Variants in ZNF469 observed in about 807,000 individuals in gnomAD.
ZNF469 encodes the protein zinc finger protein 469.
In ZNF469, 1 loss-of-function variant was observed where a neutral mutation model predicts 1.0. The observed-to-expected ratio is 1.00, with a 90% CI of 0.35 to 4.73. ZNF469 has a LOEUF of 4.73. ZNF469 is among the 30% of genes most tolerant of loss of function. ZNF469 has a pLI of 0.16. For missense variants in ZNF469, 6,100 were observed against 5,356.3 expected, an observed-to-expected ratio of 1.14 and a Z score of -4.33; for synonymous variants, 2,703 against 2,363.4, an observed-to-expected ratio of 1.14 and a Z score of -4.17.
At chr16:88,227,274 A>G in the ZNF469 span, among the ~76,000 whole-genome samples, 1 of 152,118 alleles carries the variant, frequency 6.6e-6, no homozygotes, top group Non-Finnish European at 1.5e-5. Flanking sequence ...AGGGCCGGGA[A>G]CAGTGTCTAG....
At chr16:88,418,594 C>A (rs914214521) in intron 1 of ZNF469, among the ~76,000 whole-genome samples, 5 of 151,892 alleles carry the variant, frequency 3.3e-5, no homozygotes, top group Middle Eastern at 3.4e-3. Flanking sequence ...ATTTTCTTTC[C>A]CCATGTGCCC....
chr16:88,284,926 G>T, the ZNF469 span, among the ~76,000 whole-genome samples: 1 of 152,254 alleles, frequency 6.6e-6, no homozygotes, highest in African/African-American at 2.4e-5. Flanking sequence ...CATGCAGGAA[G>T]AATTTTGTTT....
chr16:88,346,806 G>A, the ZNF469 span, among the ~76,000 whole-genome samples: 2 of 152,222 alleles, frequency 1.3e-5, no homozygotes, highest in South Asian at 2.1e-4. Context: ...CTCAGGCAGC[G>A]AGCTGGCCCT....
At chr16:88,230,883 G>A in the ZNF469 span, among the ~76,000 whole-genome samples, 14 of 151,882 alleles carry the variant, frequency 9.2e-5, no homozygotes, top group African/African-American at 2.9e-4. Context: ...CAGAGGCCCG[G>A]GCTCTCACAG....
At chr16:88,328,719 A>G in the ZNF469 span, among the ~76,000 whole-genome samples, 1 of 152,220 alleles carries the variant, frequency 6.6e-6, no homozygotes, top group African/African-American at 2.4e-5. Flanking sequence ...GTGCACACAC[A>G]GCTGAGTGCA....
chr16:88,326,544 A>G, the ZNF469 span, among the ~76,000 whole-genome samples: 4 of 152,128 alleles, frequency 2.6e-5, no homozygotes, highest in Admixed American at 2.6e-4. Context: ...TTATTAAAGC[A>G]CCCAAGGCCC....
the ZNF469 span, among the ~76,000 whole-genome samples, chr16:88,367,324 C>A: frequency 1.3e-5 from 2 of 152,246 alleles, no homozygotes; most frequent in Non-Finnish European, 2.9e-5. Flanking sequence ...GCCCACTTTA[C>A]AGATGAGGAA....
the ZNF469 span, among the ~76,000 whole-genome samples, chr16:88,338,151 C>T: frequency 2.6e-5 from 4 of 152,184 alleles, no homozygotes; most frequent in African/African-American, 9.7e-5. Flanking sequence ...GCAATGCAAC[C>T]CTCCAGCGCT....
chr16:88,340,165 G>A, the ZNF469 span, among the ~76,000 whole-genome samples: 1 of 152,182 alleles, frequency 6.6e-6, no homozygotes, highest in Non-Finnish European at 1.5e-5. Flanking sequence ...CGGCACAGAG[G>A]TGCCTCCCCT....
the ZNF469 span, among the ~76,000 whole-genome samples, chr16:88,312,498 G>A: frequency 6.6e-6 from 1 of 152,174 alleles, no homozygotes; most frequent in Non-Finnish European, 1.5e-5. Flanking sequence ...TCGTGTGCCT[G>A]TGTTTTGTTC....
At chr16:88,140,952 A>C in the ZNF469 span, among the ~76,000 whole-genome samples, 97,565 of 151,904 alleles carry the variant, frequency 0.64, 32,954 homozygotes, top group Non-Finnish European at 0.76. Flanking sequence ...AACAAACAAA[A>C]AAACAAAAAA....
chr16:88,271,077 C>A, the ZNF469 span, among the ~76,000 whole-genome samples: 1,227 of 152,182 alleles, frequency 8.1e-3, 14 homozygotes, highest in Non-Finnish European at 0.014. Flanking sequence ...CCTCTCTGAG[C>A]CTCAGGGGTC....
At chr16:88,129,318 G>T in the ZNF469 span, among the ~76,000 whole-genome samples, 1 of 152,234 alleles carries the variant, frequency 6.6e-6, no homozygotes, top group African/African-American at 2.4e-5. Flanking sequence ...TCTCGGCGGG[G>T]TCTGGCGGGC....
chr16:88,117,224 T>A, the ZNF469 span, among the ~76,000 whole-genome samples: 3 of 139,492 alleles, frequency 2.2e-5, no homozygotes, highest in Admixed American at 2.1e-4. Flanking sequence ...AGAGCTGGGG[T>A]CGTGTGAGAG....
At chr16:88,348,009 C>A in the ZNF469 span, among the ~76,000 whole-genome samples, 6 of 152,268 alleles carry the variant, frequency 3.9e-5, no homozygotes, top group Non-Finnish European at 7.3e-5. Context: ...CCTGCACCCC[C>A]ACGTCCTCCT....
the ZNF469 span, among the ~76,000 whole-genome samples, chr16:88,300,871 C>G: frequency 1.3e-5 from 2 of 152,096 alleles, no homozygotes; most frequent in Non-Finnish European, 2.9e-5. Flanking sequence ...TGGAGACCAG[C>G]CTGGCCAACA....
At chr16:88,406,238 G>T (rs1272298393) in intron 1 of ZNF469, among the ~76,000 whole-genome samples, 1 of 152,236 alleles carries the variant, frequency 6.6e-6, no homozygotes, top group Non-Finnish European at 1.5e-5. Context: ...AGAAACGTGG[G>T]TGTGTCTCAG....
chr16:88,132,984 G>A, the ZNF469 span, among the ~76,000 whole-genome samples: 5,047 of 152,024 alleles, frequency 0.033, no homozygotes, highest in African/African-American at 0.11. Context: ...GGTAGGCACA[G>A]GTGCGGTGGG....
At chr16:88,194,116 C>G in the ZNF469 span, among the ~76,000 whole-genome samples, 1 of 152,188 alleles carries the variant, frequency 6.6e-6, no homozygotes, top group Non-Finnish European at 1.5e-5. Context: ...GTTTATTCCC[C>G]CCTCCGCCAC....
Sources: allele counts gnomAD v4.1 joint callset (sites outside exome capture counted in the v4.1 genomes callset), GRCh38; gene constraint gnomAD v4.1.1; transcripts MANE v1.5; gene names NCBI Gene and HGNC (gene_info 2026-07-23, HGNC 2026-07-21).